The following PCDH15 variants were observed in gnomAD, a reference collection of about 807,000 sequenced individuals.
PCDH15 encodes protocadherin-15.
Under a neutral mutation model 178.5 loss-of-function variants are expected in PCDH15, and 129 were observed. The observed-to-expected ratio is 0.72, with a 90% CI of 0.63 to 0.84. PCDH15 has a LOEUF of 0.84. PCDH15 is among the 40% of genes least tolerant of loss of function. The pLI, the probability that PCDH15 is intolerant of heterozygous loss-of-function variation, is 0.00. For synonymous variants in PCDH15, 800 were observed against 732.0 expected (o/e 1.09, Z -1.50); for missense variants, 2,230 against 2,099.9 (o/e 1.06, Z -1.21).
At chr10:54,153,030 G>T in intron 14 of PCDH15, 70 bp downstream of exon 14, 4 of 1,528,880 alleles carry the variant, frequency 2.6e-6, no homozygotes, top group South Asian at 1.1e-5. Context: ...TACTTGCCGC[G>T]CTTCTTAAAT....
chr10:55,044,397 G>A (rs936854634), intron 2 of PCDH15, among the ~76,000 whole-genome samples: 9 of 152,042 alleles, frequency 5.9e-5, no homozygotes, highest in African/African-American at 2.2e-4. Flanking sequence ...TAACGCATAT[G>A]ATAACTTTCA....
At chr10:54,151,333 G>C (rs2044508693) in intron 14 of PCDH15, among the ~76,000 whole-genome samples, 1 of 152,072 alleles carries the variant, frequency 6.6e-6, no homozygotes, top group African/African-American at 2.4e-5. Flanking sequence ...TAGAGGCCAA[G>C]AGCTTGAGAC....
chr10:55,000,702 A>G (rs907886937), intron 2 of PCDH15, among the ~76,000 whole-genome samples: 17 of 152,214 alleles, frequency 1.1e-4, no homozygotes, highest in African/African-American at 3.6e-4. Context: ...AGAAATTATA[A>G]AAGTATTAAT....
intron 2 of PCDH15, among the ~76,000 whole-genome samples, chr10:55,598,513 A>AATATAT (rs61184409): frequency 4.1e-4 from 34 of 83,396 alleles, no homozygotes; most frequent in Non-Finnish European, 6.3e-4. Context: ...AGCAAACCCT[A>AATATAT]ATATATATAT....
chr10:54,618,138 T>C (rs2384516), intron 2 of PCDH15, among the ~76,000 whole-genome samples: 82,703 of 151,796 alleles, frequency 0.54, 22,580 homozygotes, highest in Non-Finnish European at 0.57. Context: ...GAAGAGGTAA[T>C]GTATTTTGAT....
intron 2 of PCDH15, among the ~76,000 whole-genome samples, chr10:54,917,163 T>C (rs1837357255): frequency 1.3e-5 from 2 of 152,186 alleles, no homozygotes; most frequent in South Asian, 4.1e-4. Context: ...CTAGAACATA[T>C]GTATTGTATA....
chr10:54,201,486 A>G (rs1462108654), intron 10 of PCDH15, among the ~76,000 whole-genome samples: 1 of 151,996 alleles, frequency 6.6e-6, no homozygotes, highest in Non-Finnish European at 1.5e-5. Flanking sequence ...GCTATTGTAA[A>G]CCTAAACCTT....
At chr10:55,609,200 T>C (rs1166300751) in intron 2 of PCDH15, among the ~76,000 whole-genome samples, 1 of 151,964 alleles carries the variant, frequency 6.6e-6, no homozygotes, top group Non-Finnish European at 1.5e-5. Context: ...CAAAAACAGA[T>C]GAGAGAGGAT....
chr10:55,331,802 A>G lies in PCDH15; in HGVS notation c.-155-165151T>C, dbSNP rs577110864. Among the ~76,000 whole-genome samples, 6 of 152,264 alleles carry G rather than the reference A, an allele frequency of 3.9e-5. No individual in the cohort carries two copies. The South Asian group carries it at 1.2e-3, about 32-fold the overall frequency. On this transcript the variant is annotated intron_variant, in intron 2 of 5. Coordinates refer to the PCDH15 transcript ENST00000613346. The stretch of plus-strand genomic sequence containing the variant: ...TTTGAAAGTTTGAAAAAGCATTATT[A>G]ACGGGTAACAGGATATAAGAAATGG...
At chr10:55,470,991 G>A (rs770154025) in intron 2 of PCDH15, among the ~76,000 whole-genome samples, 17 of 151,974 alleles carry the variant, frequency 1.1e-4, no homozygotes, top group Non-Finnish European at 2.4e-4. Flanking sequence ...ATGTCTTGAT[G>A]GCTAATTTGT....
In PCDH15 at chr10:55,480,282, T is replaced by C. The variant is rs185715562; in HGVS notation, c.-156+147343A>G. 2.6e-5 allele frequency among the ~76,000 whole-genome samples: 4 copies of C among 151,804 alleles called. No homozygotes were observed. In the East Asian group the frequency reaches 7.8e-4, roughly 30 times the overall value. ...GGATCATGTCATCTGCAAACAGGAA[T>C]AGCTTGACTTCCTCCCTTAATATTT... On this transcript the variant is annotated intron_variant, in intron 2 of 5. Transcript: ENST00000613346.
intron 1 of PCDH15, among the ~76,000 whole-genome samples, chr10:55,173,091 A>T (rs1564860952): frequency 6.6e-6 from 1 of 151,998 alleles, no homozygotes; most frequent in Non-Finnish European, 1.5e-5. Flanking sequence ...TGCTGGGGAC[A>T]TGTATCAATT....
chr10:54,731,541 G>GAGATATATATATATATATATATATAT (rs1401452530), intron 1 of PCDH15, among the ~76,000 whole-genome samples: 3 of 68,316 alleles, frequency 4.4e-5, no homozygotes, highest in Non-Finnish European at 5.8e-5. Context: ...GAAAATGTGA[G>GAGATATATATATATATATATATATAT]ATAGATATAT....
At chr10:53,826,720 G>T (rs2076704430) in intron 32 of PCDH15, among the ~76,000 whole-genome samples, 1 of 152,062 alleles carries the variant, frequency 6.6e-6, no homozygotes, top group African/African-American at 2.4e-5. Context: ...AAAAATGTAT[G>T]ATTTTTTAAA....
chr10:54,447,627 T>C (rs553186496), intron 3 of PCDH15, among the ~76,000 whole-genome samples: 50 of 151,784 alleles, frequency 3.3e-4, no homozygotes, highest in African/African-American at 1.2e-3. Context: ...CAAAGCTTAC[T>C]GGACAATTAT....
intron 2 of PCDH15, among the ~76,000 whole-genome samples, chr10:55,348,435 C>T (rs1900482): frequency 0.54 from 82,270 of 151,814 alleles, 22,774 homozygotes; most frequent in African/African-American, 0.63. Flanking sequence ...TAACGAGGCC[C>T]TAATGCTTGC....
chr10:54,102,773 G>C (rs999056668), intron 15 of PCDH15, among the ~76,000 whole-genome samples: 2 of 152,086 alleles, frequency 1.3e-5, no homozygotes, highest in African/African-American at 4.8e-5. Flanking sequence ...CCAGCACTGG[G>C]GAAATGACCA....
intron 2 of PCDH15, among the ~76,000 whole-genome samples, chr10:54,964,244 A>G (rs909519180): frequency 2.0e-5 from 3 of 152,214 alleles, no homozygotes; most frequent in Non-Finnish European, 4.4e-5. Flanking sequence ...TATTCAAAAG[A>G]AACCATAAAC....
At chr10:54,644,100 G>T (rs567779220) in intron 2 of PCDH15, among the ~76,000 whole-genome samples, 6 of 148,678 alleles carry the variant, frequency 4.0e-5, no homozygotes, top group African/African-American at 7.4e-5. Context: ...AAGTTTACTG[G>T]GAATGATGAT....
Sources: gnomAD v4.1 joint callset for allele counts (sites outside exome capture counted in the v4.1 genomes callset) on GRCh38, gnomAD v4.1.1 for gene constraint, MANE v1.5 for transcripts, NCBI Gene and HGNC (gene_info 2026-07-23, HGNC 2026-07-21) for gene names.